The following DMXL2 variants were observed in gnomAD, a reference collection of about 807,000 sequenced individuals.
DMXL2 encodes Dmx like 2, also known as dmX-like protein 2.
In DMXL2, 103 loss-of-function variants were observed where a neutral mutation model predicts 331.1. That is an observed-to-expected ratio of 0.31 (90% CI 0.27 to 0.37). DMXL2 has a LOEUF of 0.37. DMXL2 is among the 10% of genes least tolerant of loss of function. The pLI is 1.00. For missense variants in DMXL2, 3,171 were observed against 3,642.9 expected, an observed-to-expected ratio of 0.87 and a Z score of 3.33; for synonymous variants, 1,281 against 1,252.1, an observed-to-expected ratio of 1.02 and a Z score of -0.49.
At chr15:51,554,222 G>T (rs1369639633) in intron 6 of DMXL2, among the ~76,000 whole-genome samples, 1 of 152,048 alleles carries the variant, frequency 6.6e-6, no homozygotes, top group Admixed American at 6.6e-5. Context: ...ATCATCCATA[G>T]GTTCACCTAT....
chr15:51,479,858 T>C (rs1217125399), intron 25 of DMXL2, 90 bp downstream of exon 25: 1 of 984,598 alleles, frequency 1.0e-6, no homozygotes, highest in Non-Finnish European at 1.4e-6. Context: ...CACTTTGAAA[T>C]ATTTCCCCTA....
chr15:51,528,440 C>CA (rs2047806981), intron 13 of DMXL2, among the ~76,000 whole-genome samples: 2 of 151,996 alleles, frequency 1.3e-5, no homozygotes, highest in African/African-American at 4.8e-5. Context: ...TTATATCAGA[C>CA]AGATATACTG....
Position 51,499,557 on chromosome 15 carries a change from T to G in DMXL2, c.3667A>C (p.Lys1223Gln), listed in dbSNP as rs781647659. Residue 1223 changes from lysine to glutamine, a missense_variant, in exon 18 of 44, where the codon AAG becomes CAG. Lys to Gln is a moderately conservative substitution (Grantham distance 53). Transcript: ENST00000560891. ...ACCCATCTTGACTTAACTCCTTGCTTGATACTACCACCTAGTGGTAAAGTG... is the reference window on the plus strand; with the variant it reads ...ACCCATCTTGACTTAACTCCTTGCTGGATACTACCACCTAGTGGTAAAGTG... ...VITLPLGGSI[K>Q]QGVKSRWVLL... The G allele has an allele frequency of 3.7e-6, 6 of 1,614,158 alleles. No homozygotes were observed. In the Admixed American group the frequency reaches 1.0e-4, roughly 27 times the overall value.
At chr15:51,556,272 G>A (rs566080210) in intron 6 of DMXL2, among the ~76,000 whole-genome samples, 75 of 149,934 alleles carry the variant, frequency 5.0e-4, no homozygotes, top group African/African-American at 1.7e-3. Context: ...GAACCCAGGA[G>A]GCAGAGCTTG....
At chr15:51,479,914 G>A (rs368087947) in intron 25 of DMXL2, 34 bp downstream of exon 25, 41 of 1,417,354 alleles carry the variant, frequency 2.9e-5, no homozygotes, top group Non-Finnish European at 3.9e-5. Flanking sequence ...TTCTCAGGGT[G>A]TATAATATCA....
At chr15:51,485,119 A>C (rs1290320420) in intron 23 of DMXL2, among the ~76,000 whole-genome samples, 5 of 152,130 alleles carry the variant, frequency 3.3e-5, no homozygotes, top group African/African-American at 1.2e-4. Flanking sequence ...CTATTAAGTA[A>C]ACAAATATTC....
At chr15:51,551,772 A>T (rs993255032) in intron 6 of DMXL2, among the ~76,000 whole-genome samples, 1 of 152,252 alleles carries the variant, frequency 6.6e-6, no homozygotes, top group African/African-American at 2.4e-5. Context: ...AGGAAGAGAC[A>T]GAAATAATAA....
intron 4 of DMXL2, among the ~76,000 whole-genome samples, chr15:51,564,765 G>A (rs1290501852): frequency 1.3e-5 from 2 of 152,008 alleles, no homozygotes; most frequent in Non-Finnish European, 2.9e-5. Context: ...GATAAAATGA[G>A]GTGAAGTTTT....
chr15:51,608,583 C>G (rs1181087695), intron 1 of DMXL2, among the ~76,000 whole-genome samples: 1 of 152,028 alleles, frequency 6.6e-6, no homozygotes, highest in African/African-American at 2.4e-5. Context: ...ACAATAGATG[C>G]CACAGCATAC....
chr15:51,605,922 T>C (rs1197708316), intron 1 of DMXL2, among the ~76,000 whole-genome samples: 1 of 152,160 alleles, frequency 6.6e-6, no homozygotes, highest in Non-Finnish European at 1.5e-5. Flanking sequence ...GAGGAATTAG[T>C]GGGCCAAAAT....
In DMXL2 at chr15:51,547,337, A is replaced by C; in HGVS notation, c.639T>G (p.His213Gln). 1 of 1,613,066 alleles carries C rather than the reference A, an allele frequency of 6.2e-7. No individual in the cohort carries two copies. Among genetic ancestry groups the C allele is most frequent in the Non-Finnish European group, 8.5e-7 (1 of 1,179,314 alleles). ...TAGAGGACTGTCTCCTTTTTACTTC[A>C]TGATGATCCTGAGGTATAATTGAAG... ...WKSSIIPQDH[H>Q]EVKRRQSSTQ... Residue 213 changes from histidine (H) to glutamine (Q), a missense_variant, in exon 7 of 44, where the codon CAT (histidine) becomes CAG (glutamine). His to Gln is a conservative substitution (Grantham distance 24). This residue lies in a region of DMXL2 where 1,674 missense variants were observed against 1,780.2 expected (regional missense o/e 0.94). Transcript: ENST00000560891.
intron 41 of DMXL2, among the ~76,000 whole-genome samples, chr15:51,452,029 C>T (rs559639753): frequency 2.0e-5 from 3 of 152,316 alleles, no homozygotes. Flanking sequence ...TATTCATGGG[C>T]ATGTGTTGCT....
At chr15:51,459,021 G>A in intron 34 of DMXL2, 1 of 496,860 alleles carries the variant, frequency 2.0e-6, no homozygotes, top group Non-Finnish European at 3.6e-6. Flanking sequence ...CCACTGTGAT[G>A]GTAAGATACT....
rs1432466667 is a variant in DMXL2, at chr15:51,465,578, G to C, written c.7594C>G (p.Leu2532Val). Residue 2532 changes from leucine to valine, a missense_variant, in exon 31 of 44, where the codon CTG becomes GTG. By Grantham distance (32) the Leu-to-Val change is conservative. This residue lies in a region of DMXL2 where 766 missense variants were observed against 940.5 expected (regional missense o/e 0.81). Coordinates refer to ENST00000560891, the MANE Select transcript of DMXL2 (RefSeq NM_001378457.1). ...NVKNFFPIAG[L>V]EFSELPVTSP... Reference sequence around the variant, plus strand: ...ATTCCAAACTCACCAGAGAATTCCAGTCCAGCAATAGGAAAGAAATTCTTG... The same window carrying C: ...ATTCCAAACTCACCAGAGAATTCCACTCCAGCAATAGGAAAGAAATTCTTG... 2 of 1,599,272 alleles carry C rather than the reference G, an allele frequency of 1.3e-6. No individual in the cohort carries two copies. The highest frequency in any genetic ancestry group is 4.5e-5 in the East Asian group (2 of 44,564).
rs1319876282 is a variant in DMXL2, at chr15:51,489,747, C to T, written c.4954-1102G>A. Among the ~76,000 whole-genome samples, 4 of 151,878 alleles carry T rather than the reference C, an allele frequency of 2.6e-5. No homozygotes were observed. The East Asian group carries it at 7.7e-4, about 29-fold the overall frequency. Reference sequence around the variant, plus strand: ...CCCTTCCCCCTTTTAATTGTGTTGTCTGCCCCCTATCATTTAACTTAGTGC... The same window carrying T: ...CCCTTCCCCCTTTTAATTGTGTTGTTTGCCCCCTATCATTTAACTTAGTGC... On this transcript the variant is annotated intron_variant, in intron 20 of 43. Coordinates refer to ENST00000560891, the MANE Select transcript of DMXL2 (RefSeq NM_001378457.1).
At chr15:51,483,478 G>C (rs1394381081) in intron 23 of DMXL2, among the ~76,000 whole-genome samples, 3 of 152,168 alleles carry the variant, frequency 2.0e-5, no homozygotes, top group Non-Finnish European at 4.4e-5. Flanking sequence ...CTTTTGGTCA[G>C]AGAAACAATC....
At chr15:51,616,172 A>T (rs887736256) in intron 1 of DMXL2, among the ~76,000 whole-genome samples, 1 of 151,930 alleles carries the variant, frequency 6.6e-6, no homozygotes. Context: ...CCCTAAAATC[A>T]CTCCCACCAA....
At position 51,488,035 on chromosome 15, in the gene DMXL2, A is replaced by C. The variant is rs35347764; in HGVS notation, c.5136T>G (p.Ala1712=). 1,659 of 1,612,998 alleles carry C rather than the reference A, an allele frequency of 1.0e-3. 10 individuals carry two copies. The African/African-American group carries it at 0.014, about 13-fold the overall frequency. The stretch of plus-strand genomic sequence containing the variant: ...AGCGTTGTTTTCCAAGTAAGGAAAA[A>C]GCATTTTTCAAAGCAGCTTTTCGCC... The part of the protein sequence containing the change: ...DRWRKAALKN[A]FSLLGKQRFE... Residue 1712 remains alanine (A), a synonymous_variant, in exon 22 of 44, where the codon GCT becomes GCG. Transcript: ENST00000560891.
At position 51,622,659 on chromosome 15, in the gene DMXL2, C is replaced by G. The variant is rs2054735817; in HGVS notation, c.-114G>C. 3.5e-6 allele frequency: 5 copies of G among 1,448,782 alleles called. No homozygotes were observed. The highest frequency in any genetic ancestry group is 4.6e-6 in the Non-Finnish European group (5 of 1,096,106). The allele number at this position is 1,448,782 out of a possible 1,614,324, so 89.7% of individuals were successfully genotyped here. A position where few individuals can be genotyped will look rare whatever the true frequency, so the allele number is the denominator to read the frequency against. ...GTGCCTCCCTCGGAAACCCGCCCCG[C>G]GGAGGCTCTGGCTTAACTCCTCGCC... On this transcript the variant is annotated 5_prime_UTR_variant, in exon 1 of 44. Transcript: ENST00000560891.
Sources: allele counts gnomAD v4.1 joint callset (sites outside exome capture counted in the v4.1 genomes callset), GRCh38; gene constraint gnomAD v4.1.1; regional missense constraint gnomAD v4.1.1; transcripts MANE v1.5; gene names NCBI Gene and HGNC (gene_info 2026-07-23, HGNC 2026-07-21).